CGGBP1: variants seen among roughly 807,000 people sequenced by gnomAD.
The protein encoded by CGGBP1 is CGG triplet repeat binding protein 1.
A neutral mutation model predicts 11.4 loss-of-function variants in CGGBP1; 4 were observed. The ratio of observed to expected loss-of-function variants is 0.35; its 90% CI spans 0.17 to 0.80. The LOEUF is 0.80. Among genes scored for constraint, CGGBP1 ranks in the 30% least tolerant of loss-of-function variants. The pLI is 0.52. For synonymous variants in CGGBP1, 76 were observed against 74.1 expected (o/e 1.03, Z -0.13); for missense variants, 135 against 202.1 (o/e 0.67, Z 2.01).
intron 2 of CGGBP1, among the ~76,000 whole-genome samples, chr3:88,078,963 T>TG (rs1189975387): frequency 6.6e-6 from 1 of 152,072 alleles, no homozygotes; most frequent in East Asian, 1.9e-4. Flanking sequence ...GATTTATAGG[T>TG]GACACAAACT....
intron 2 of CGGBP1, among the ~76,000 whole-genome samples, chr3:88,071,040 C>A (rs1330537963): frequency 6.6e-6 from 1 of 152,116 alleles, no homozygotes; most frequent in Non-Finnish European, 1.5e-5. Context: ...ACTCATTCAT[C>A]GGTTCTCAAT....
intron 1 of CGGBP1, chr3:88,143,235 A>T (rs1160780326): frequency 6.6e-6 from 1 of 151,876 alleles, no homozygotes; most frequent in East Asian, 1.9e-4. Flanking sequence ...ATTTTTTTTT[A>T]ATTTCCCGGT....
At chr3:88,141,746 CT>C in intron 1 of CGGBP1, 2 of 1,009,436 alleles carry the variant, frequency 2.0e-6, no homozygotes, top group Non-Finnish European at 2.8e-6. Flanking sequence ...CCCTGATGGC[CT>C]TAATTTTAGA....
chr3:88,053,443 A>C lies in CGGBP1; in HGVS notation c.*2030T>G, dbSNP rs1363419241. On this transcript the variant is annotated 3_prime_UTR_variant, in exon 4 of 4. Transcript: ENST00000482016. Reference sequence around the variant, plus strand: ...TGAAAAAATACATTAAGATATATAAAATTTAAGTGATTATCAAATCAGTAG... The same window carrying C: ...TGAAAAAATACATTAAGATATATAACATTTAAGTGATTATCAAATCAGTAG... 1 of 152,146 alleles carries C rather than the reference A, an allele frequency of 6.6e-6. No individual in the cohort carries two copies. The highest frequency in any genetic ancestry group is 1.5e-5 in the Non-Finnish European group (1 of 67,978). 9.4% of individuals were successfully genotyped at this position (152,146 alleles called of 1,614,324 possible).
At chr3:88,066,353 T>G (rs1286485551) in intron 2 of CGGBP1, among the ~76,000 whole-genome samples, 1 of 151,918 alleles carries the variant, frequency 6.6e-6, no homozygotes, top group East Asian at 1.9e-4. Flanking sequence ...GCAGGCAAAT[T>G]GCTTGAGCTC....
intron 2 of CGGBP1, among the ~76,000 whole-genome samples, chr3:88,124,615 C>G (rs770317231): frequency 2.0e-5 from 3 of 152,108 alleles, no homozygotes; most frequent in Non-Finnish European, 4.4e-5. Context: ...AATATGTAGC[C>G]TTGATTCATC....
intron 2 of CGGBP1, among the ~76,000 whole-genome samples, chr3:88,106,143 T>G (rs980471218): frequency 1.3e-5 from 2 of 152,188 alleles, no homozygotes; most frequent in African/African-American, 4.8e-5. Context: ...TTACTCAGTC[T>G]CAGGTACTCT....
At chr3:88,132,612 G>A (rs1020099453) in intron 2 of CGGBP1, among the ~76,000 whole-genome samples, 11 of 152,134 alleles carry the variant, frequency 7.2e-5, no homozygotes, top group African/African-American at 1.9e-4. Context: ...TGCTTTGCCT[G>A]CTTTAAAGCA....
At chr3:88,132,748 CT>C (rs1314320617) in intron 2 of CGGBP1, among the ~76,000 whole-genome samples, 5 of 152,196 alleles carry the variant, frequency 3.3e-5, no homozygotes, top group Non-Finnish European at 5.9e-5. Flanking sequence ...AATTATCTCT[CT>C]TAATTCTTTT....
At chr3:88,136,247 A>T (rs1215384586) in intron 2 of CGGBP1, among the ~76,000 whole-genome samples, 2 of 152,234 alleles carry the variant, frequency 1.3e-5, no homozygotes, top group African/African-American at 4.8e-5. Context: ...ATATATTATT[A>T]TAGAAAGTTT....
intron 2 of CGGBP1, among the ~76,000 whole-genome samples, chr3:88,114,316 G>A (rs2107771703): frequency 6.6e-6 from 1 of 152,250 alleles, no homozygotes; most frequent in South Asian, 2.1e-4. Context: ...GATGTTGGCT[G>A]ACCACTGATA....
At chr3:88,056,531 C>CCA (rs1491420254) in intron 3 of CGGBP1, 7 of 57,496 alleles carry the variant, frequency 1.2e-4, no homozygotes, top group Non-Finnish European at 3.6e-4. Context: ...TGAGGAAAAA[C>CCA]CACAAAAAAA....
chr3:88,069,470 T>A (rs1409438765), intron 2 of CGGBP1, among the ~76,000 whole-genome samples: 2 of 152,176 alleles, frequency 1.3e-5, no homozygotes, highest in Non-Finnish European at 2.9e-5. Flanking sequence ...CCCAACCCAC[T>A]TGAATGGGAT....
chr3:88,061,535 C>G (rs553703223), upstream of CGGBP1, among the ~76,000 whole-genome samples: 2 of 152,218 alleles, frequency 1.3e-5, no homozygotes, highest in African/African-American at 2.4e-5. Context: ...CTCTAGGTTA[C>G]TGAGAGATCT....
At chr3:88,104,768 G>C (rs1394210476) in intron 2 of CGGBP1, among the ~76,000 whole-genome samples, 2 of 152,066 alleles carry the variant, frequency 1.3e-5, no homozygotes, top group Non-Finnish European at 2.9e-5. Context: ...AGGAAGAAGA[G>C]GTCAAACAGA....
chr3:88,095,852 C>A, intron 2 of CGGBP1: 1 of 459,356 alleles, frequency 2.2e-6, no homozygotes. Context: ...AAAAGCCTTT[C>A]CACTTCAGCA....
intron 2 of CGGBP1, among the ~76,000 whole-genome samples, chr3:88,133,117 G>A (rs1489531940): frequency 2.0e-5 from 3 of 152,192 alleles, no homozygotes; most frequent in African/African-American, 7.2e-5. Flanking sequence ...GAACATTCCA[G>A]AGATTCTGAC....
rs192779521 is a variant in CGGBP1, at chr3:88,145,260, C to G, written c.-337-4182G>C. Reference sequence around the variant, plus strand: ...CGTCCAAACTATTAGCTATAACTTGCAATTGGAAAAAATGGGGCTTTAAGT... The same window carrying G: ...CGTCCAAACTATTAGCTATAACTTGGAATTGGAAAAAATGGGGCTTTAAGT... On this transcript the variant is annotated intron_variant, in intron 1 of 3. Transcript: ENST00000462901. Among the ~76,000 whole-genome samples the G allele has an allele frequency of 2.0e-3, 307 of 151,968 alleles. 3 individuals are homozygous for G. Among genetic ancestry groups the G allele is most frequent in the Admixed American group, 0.017 (252 of 15,270 alleles).
At chr3:88,074,798 A>G (rs1707709823) in intron 2 of CGGBP1, among the ~76,000 whole-genome samples, 1 of 152,222 alleles carries the variant, frequency 6.6e-6, no homozygotes, top group Non-Finnish European at 1.5e-5. Context: ...AAAATTAGTG[A>G]TATCAGAAGG....
Sources: allele counts gnomAD v4.1 joint callset (sites outside exome capture counted in the v4.1 genomes callset), GRCh38; gene constraint gnomAD v4.1.1; transcripts MANE v1.5; gene names NCBI Gene and HGNC (gene_info 2026-07-23, HGNC 2026-07-21).